The following MUSK variants were observed in gnomAD, a reference collection of about 807,000 sequenced individuals.
MUSK encodes the protein muscle, skeletal receptor tyrosine-protein kinase.
In MUSK, 55 loss-of-function variants were observed where a neutral mutation model predicts 88.7. The ratio of observed to expected loss-of-function variants is 0.62; its 90% confidence interval spans 0.50 to 0.78. The LOEUF is 0.78. MUSK is among the 30% of genes least tolerant of loss of function. The pLI, the probability that MUSK is intolerant of heterozygous loss-of-function variation, is 0.00. For missense variants in MUSK, 1,015 were observed against 1,074.3 expected, an observed-to-expected ratio of 0.94 and a Z score of 0.77; for synonymous variants, 387 against 391.9, an observed-to-expected ratio of 0.99 and a Z score of 0.15.
At chr9:110,722,546 A>G (rs984255310) in intron 5 of MUSK, among the ~76,000 whole-genome samples, 17 of 152,022 alleles carry the variant, frequency 1.1e-4, no homozygotes, top group Non-Finnish European at 2.5e-4. Flanking sequence ...AAAAAAAAAA[A>G]CATGGGACTT....
intron 3 of MUSK, among the ~76,000 whole-genome samples, chr9:110,692,562 A>C (rs916608095): frequency 1.3e-5 from 2 of 151,848 alleles, no homozygotes; most frequent in Non-Finnish European, 2.9e-5. Flanking sequence ...CTATGACTTC[A>C]AATTTTTCTT....
At chr9:110,762,347 A>AT in intron 8 of MUSK, 139 bp downstream of exon 8, 2 of 509,428 alleles carry the variant, frequency 3.9e-6, no homozygotes, top group Non-Finnish European at 6.4e-6. Context: ...GTTATTTGAC[A>AT]TGCCATTTAT....
intron 5 of MUSK, among the ~76,000 whole-genome samples, chr9:110,714,783 T>C (rs2076724254): frequency 6.6e-6 from 1 of 152,146 alleles, no homozygotes; most frequent in Non-Finnish European, 1.5e-5. Flanking sequence ...AAGTCAAATA[T>C]AAAAACAATT....
intron 4 of MUSK, among the ~76,000 whole-genome samples, chr9:110,696,144 G>C (rs747641671): frequency 6.6e-6 from 1 of 152,080 alleles, no homozygotes; most frequent in African/African-American, 2.4e-5. Flanking sequence ...GGGTGTGGTG[G>C]TGTGTGCCTA....
chr9:110,779,728 G>A (rs2077723412), intron 11 of MUSK, among the ~76,000 whole-genome samples: 1 of 151,970 alleles, frequency 6.6e-6, no homozygotes, highest in Non-Finnish European at 1.5e-5. Flanking sequence ...TACACATATG[G>A]GTTTACTGAT....
chr9:110,782,134 A>C (rs2077770562), intron 11 of MUSK, among the ~76,000 whole-genome samples: 1 of 152,252 alleles, frequency 6.6e-6, no homozygotes, highest in Non-Finnish European at 1.5e-5. Flanking sequence ...GATACCTAAC[A>C]GTCACTATTG....
chr9:110,800,955 G>A lies in MUSK; in HGVS notation c.2577G>A (p.Met859Ile), dbSNP rs2078088376. ...GTATTCACCGAATTCTGGAACGCAT[G>A]TGTGAGAGGGCAGAGGGAACTGTGA... is the stretch of plus-strand genomic sequence containing the variant. The part of the protein sequence containing the change: ...FTSIHRILER[M>I]CERAEGTVSV Residue 859 changes from methionine (M) to isoleucine (I), a missense_variant, in exon 15 of 15, where the codon ATG becomes ATA. Coordinates refer to ENST00000374448, the MANE Select transcript of MUSK (RefSeq NM_005592.4). 1 of 1,522,544 alleles carries A rather than the reference G, an allele frequency of 6.6e-7. No homozygotes were observed. The highest frequency in any genetic ancestry group is 8.8e-7 in the Non-Finnish European group (1 of 1,137,226). The allele number at this position is 1,522,544 out of a possible 1,614,324, so 94.3% of individuals were successfully genotyped here. A position where few individuals can be genotyped will look rare whatever the true frequency, so the allele number is the denominator to read the frequency against.
intron 11 of MUSK, 146 bp downstream of exon 11, chr9:110,776,801 C>A: frequency 1.5e-6 from 1 of 671,952 alleles, no homozygotes; most frequent in Non-Finnish European, 2.5e-6. Flanking sequence ...CAGGGTATAA[C>A]ATGAGGGAAA....
chr9:110,680,383 C>CTTTTTTTTT (rs11461650), intron 1 of MUSK, among the ~76,000 whole-genome samples: 19 of 141,562 alleles, frequency 1.3e-4, no homozygotes, highest in African/African-American at 2.1e-4. Context: ...TTCTTTTTTT[C>CTTTTTTTTT]TTTTTTTTTT....
At chr9:110,752,689 G>A (rs1344895145) in intron 7 of MUSK, among the ~76,000 whole-genome samples, 1 of 152,188 alleles carries the variant, frequency 6.6e-6, no homozygotes, top group African/African-American at 2.4e-5. Flanking sequence ...AGGAAAACTG[G>A]AAATGGAAAA....
intron 7 of MUSK, among the ~76,000 whole-genome samples, chr9:110,757,646 T>C (rs1229104310): frequency 2.7e-5 from 3 of 111,826 alleles, no homozygotes; most frequent in African/African-American, 1.0e-4. Flanking sequence ...TTAGCCAATT[T>C]GTCAAAAAAA....
At position 110,804,579 on chromosome 9, in the gene MUSK, T is replaced by G. The variant is rs2078137509; in HGVS notation, c.*3591T>G. 6.6e-6 allele frequency among the ~76,000 whole-genome samples: 1 copy of G among 152,084 alleles called. No homozygotes were observed. The highest frequency in any genetic ancestry group is 1.5e-5 in the Non-Finnish European group (1 of 67,942). On this transcript the variant is annotated 3_prime_UTR_variant, in exon 15 of 15. Coordinates refer to ENST00000374448, the MANE Select transcript of MUSK (RefSeq NM_005592.4). ...GTCTACAGCCCATTTTTCTGCTGTGTTCATTTTCTAATCGAATTATGGGAT... is the reference window on the plus strand; with the variant it reads ...GTCTACAGCCCATTTTTCTGCTGTGGTCATTTTCTAATCGAATTATGGGAT...
chr9:110,681,080 TTA>T (rs1564209762), intron 1 of MUSK, among the ~76,000 whole-genome samples: 1 of 25,990 alleles, frequency 3.8e-5, no homozygotes, highest in Admixed American at 5.4e-4. Flanking sequence ...ATTATATATA[TTA>T]TATAATATAT....
At chr9:110,688,728 T>C (rs2076231169) in intron 3 of MUSK, among the ~76,000 whole-genome samples, 1 of 151,844 alleles carries the variant, frequency 6.6e-6, no homozygotes, top group African/African-American at 2.4e-5. Context: ...GGTTATCTGT[T>C]CCTGCATTAG....
At chr9:110,753,790 A>G (rs1468678496) in intron 7 of MUSK, among the ~76,000 whole-genome samples, 1 of 152,190 alleles carries the variant, frequency 6.6e-6, no homozygotes, top group Non-Finnish European at 1.5e-5. Context: ...GAGTCTCCCA[A>G]ACTCCCCAGA....
At chr9:110,773,515 T>C (rs1010152447) in intron 9 of MUSK, among the ~76,000 whole-genome samples, 5 of 152,182 alleles carry the variant, frequency 3.3e-5, no homozygotes, top group African/African-American at 9.6e-5. Context: ...TTACTTATCA[T>C]TGATACTCAT....
At chr9:110,710,739 A>T (rs1368704177) in intron 5 of MUSK, among the ~76,000 whole-genome samples, 1 of 152,094 alleles carries the variant, frequency 6.6e-6, no homozygotes, top group East Asian at 1.9e-4. Flanking sequence ...TTAAAAAAAA[A>T]AATAGTACAA....
At chr9:110,678,323 G>A (rs1262936823) in intron 1 of MUSK, among the ~76,000 whole-genome samples, 2 of 151,962 alleles carry the variant, frequency 1.3e-5, no homozygotes, top group Non-Finnish European at 2.9e-5. Context: ...GTCTTGCCAT[G>A]TTGCCCAGGC....
intron 1 of MUSK, among the ~76,000 whole-genome samples, chr9:110,674,773 G>A (rs529328212): frequency 6.6e-6 from 1 of 151,750 alleles, no homozygotes; most frequent in East Asian, 2.0e-4. Context: ...CCACCATGCC[G>A]GCTAATTTTT....
Sources: gnomAD v4.1 joint callset for allele counts (sites outside exome capture counted in the v4.1 genomes callset) on GRCh38, gnomAD v4.1.1 for gene constraint, MANE v1.5 for transcripts, NCBI Gene and HGNC (gene_info 2026-07-23, HGNC 2026-07-21) for gene names.